Variants in SNTG2 observed in about 807,000 individuals in gnomAD.
SNTG2 encodes gamma-2-syntrophin.
SNTG2 carries 74 observed loss-of-function variants against 70.9 expected under a neutral mutation model. The observed-to-expected ratio is 1.04, with a 90% confidence interval of 0.86 to 1.27. The LOEUF is 1.27. Among genes scored for constraint, SNTG2 ranks in the 50% most tolerant of loss-of-function variants. SNTG2 has a pLI of 0.00. For synonymous variants in SNTG2, 278 were observed against 273.8 expected (o/e 1.02, Z -0.15); for missense variants, 717 against 690.7 (o/e 1.04, Z -0.43).
At chr2:1,104,624 G>A (rs926768092) in intron 4 of SNTG2, among the ~76,000 whole-genome samples, 5 of 152,200 alleles carry the variant, frequency 3.3e-5, no homozygotes, top group African/African-American at 1.2e-4. Flanking sequence ...CGTGGCCCAA[G>A]CCCTGCCGTG....
intron 9 of SNTG2, among the ~76,000 whole-genome samples, chr2:1,227,221 T>G (rs1675849446): frequency 6.6e-6 from 1 of 152,258 alleles, no homozygotes; most frequent in South Asian, 2.1e-4. Flanking sequence ...ACAAAATCTC[T>G]TCCAGTGATG....
chr2:1,312,628 C>T (rs963939762), intron 15 of SNTG2, among the ~76,000 whole-genome samples: 1 of 152,068 alleles, frequency 6.6e-6, no homozygotes, highest in Admixed American at 6.5e-5. Context: ...CTTGGGGACA[C>T]GTTGAAAAGC....
At chr2:1,310,327 G>A (rs1680918680) in intron 15 of SNTG2, among the ~76,000 whole-genome samples, 1 of 152,176 alleles carries the variant, frequency 6.6e-6, no homozygotes, top group Non-Finnish European at 1.5e-5. Flanking sequence ...TGTGGGTAAT[G>A]TACTCACAGG....
intron 16 of SNTG2, among the ~76,000 whole-genome samples, chr2:1,342,270 G>C (rs946675305): frequency 8.5e-5 from 13 of 152,336 alleles, no homozygotes; most frequent in Middle Eastern, 3.4e-3. Context: ...ATTTCAAATA[G>C]CTCCTGCTCT....
chr2:978,912 A>T (rs1008206061), intron 1 of SNTG2, among the ~76,000 whole-genome samples: 2 of 152,198 alleles, frequency 1.3e-5, no homozygotes, highest in African/African-American at 4.8e-5. Context: ...ACCTGTTGAT[A>T]ATTTTAAGTC....
intron 14 of SNTG2, among the ~76,000 whole-genome samples, chr2:1,288,467 G>A (rs1043048717): frequency 3.4e-4 from 52 of 151,642 alleles, no homozygotes; most frequent in African/African-American, 1.2e-3. Context: ...CAAGCTCACC[G>A]ACAAGCTACA....
intron 6 of SNTG2, among the ~76,000 whole-genome samples, chr2:1,139,952 A>T (rs575839851): frequency 2.0e-5 from 3 of 152,326 alleles, no homozygotes; most frequent in Non-Finnish European, 4.4e-5. Context: ...ATATGTTTAC[A>T]TTCTTATGTG....
intron 11 of SNTG2, among the ~76,000 whole-genome samples, chr2:1,244,651 GCA>G (rs1677293700): frequency 7.8e-6 from 1 of 127,772 alleles, no homozygotes; most frequent in Non-Finnish European, 1.6e-5. Flanking sequence ...AGCCAAGATT[GCA>G]CCACTGCACT....
intron 1 of SNTG2, among the ~76,000 whole-genome samples, chr2:1,007,101 GT>G (rs1357478334): frequency 6.6e-6 from 1 of 152,064 alleles, no homozygotes; most frequent in Non-Finnish European, 1.5e-5. Context: ...AGGTGCATGG[GT>G]TTTTTGCAAA....
intron 4 of SNTG2, among the ~76,000 whole-genome samples, chr2:1,102,053 C>T (rs531121562): frequency 2.0e-5 from 3 of 152,162 alleles, no homozygotes; most frequent in African/African-American, 7.2e-5. Flanking sequence ...TCGGGCCATC[C>T]GCAGAGACCA....
intron 9 of SNTG2, among the ~76,000 whole-genome samples, chr2:1,223,330 GGCGCA>G (rs1675480006): frequency 2.0e-5 from 3 of 150,850 alleles, no homozygotes; most frequent in African/African-American, 4.8e-5. Flanking sequence ...AGAGGAAGGC[GGCGCA>G]GTGATGGAGG....
intron 4 of SNTG2, among the ~76,000 whole-genome samples, chr2:1,135,824 A>G (rs1330260604): frequency 2.6e-5 from 4 of 152,214 alleles, no homozygotes; most frequent in African/African-American, 9.6e-5. Flanking sequence ...GTAAAAATCA[A>G]TGCGTCTAAA....
At chr2:1,088,318 T>C (rs1664806684) in intron 2 of SNTG2, among the ~76,000 whole-genome samples, 1 of 152,254 alleles carries the variant, frequency 6.6e-6, no homozygotes, top group African/African-American at 2.4e-5. Flanking sequence ...TTCCAGTTTC[T>C]GAAAACCAGT....
chr2:1,086,878 A>G (rs985045064), intron 2 of SNTG2, among the ~76,000 whole-genome samples: 4 of 152,140 alleles, frequency 2.6e-5, no homozygotes, highest in African/African-American at 9.6e-5. Context: ...AATAGAAACA[A>G]TACCTGAAAT....
At chr2:1,020,058 G>A (rs1366071185) in intron 1 of SNTG2, among the ~76,000 whole-genome samples, 2 of 152,022 alleles carry the variant, frequency 1.3e-5, no homozygotes, top group East Asian at 3.9e-4. Flanking sequence ...AAAACAACAA[G>A]AACAACACAG....
At chr2:1,028,300 A>G (rs1304001760) in intron 1 of SNTG2, among the ~76,000 whole-genome samples, 20 of 149,588 alleles carry the variant, frequency 1.3e-4, no homozygotes, top group African/African-American at 4.4e-4. Context: ...GAGTAAAGAG[A>G]TAAGCAGGTG....
chr2:1,165,778 C>G, intron 7 of SNTG2, 143 bp downstream of exon 7: 1 of 690,948 alleles, frequency 1.4e-6, no homozygotes, highest in East Asian at 2.9e-5. Context: ...AGGCAGGCAC[C>G]GTGGCATCAT....
intron 15 of SNTG2, among the ~76,000 whole-genome samples, chr2:1,314,477 C>T (rs1352192850): frequency 1.3e-5 from 2 of 152,338 alleles, no homozygotes; most frequent in African/African-American, 2.4e-5. Context: ...AGAGGCTCTC[C>T]GGAGGCAGGT....
At chr2:1,130,259 G>C (rs531098558) in intron 4 of SNTG2, among the ~76,000 whole-genome samples, 7 of 152,120 alleles carry the variant, frequency 4.6e-5, no homozygotes, top group Non-Finnish European at 1.0e-4. Context: ...TTGGTGAAGT[G>C]ACAACATAAT....
Sources: allele counts gnomAD v4.1 joint callset (sites outside exome capture counted in the v4.1 genomes callset), GRCh38; gene constraint gnomAD v4.1.1; transcripts MANE v1.5; gene names NCBI Gene and HGNC (gene_info 2026-07-23, HGNC 2026-07-21).